The following ITPR3 variants were observed in gnomAD, a reference collection of about 807,000 sequenced individuals.
ITPR3 encodes the protein inositol 1,4,5-trisphosphate receptor type 3.
Under a neutral mutation model 293.2 loss-of-function variants are expected in ITPR3, and 173 were observed. That is an observed-to-expected ratio of 0.59 (90% CI 0.52 to 0.67). ITPR3 has a LOEUF of 0.67. Among genes scored for constraint, ITPR3 ranks in the 30% least tolerant of loss-of-function variants. The pLI is 0.00. For synonymous variants in ITPR3, 1,295 were observed against 1,444.4 expected (o/e 0.90, Z 2.35); for missense variants, 2,796 against 3,592.1 (o/e 0.78, Z 5.66).
At position 33,655,894 on chromosome 6, in the gene ITPR3, G is replaced by A. The variant is rs747081724; in HGVS notation, c.282+7G>A. ...GTTGCTGCAGAAGCTGCAGGTATGT[G>A]TGTGTGTGCAGGCGTGCATCTGTGC... On this transcript the variant is annotated splice_region_variant and intron_variant, in intron 3 of 57. Transcript: ENST00000605930. The surrounding 1 kb of genome is among the most constrained non-coding windows in gnomAD (Gnocchi z 4.9). 1 of 1,613,922 alleles carries A rather than the reference G, an allele frequency of 6.2e-7. No individual in the cohort carries two copies. Among genetic ancestry groups the A allele is most frequent in the South Asian group, 1.1e-5 (1 of 91,078 alleles).
At chr6:33,626,996 T>C (rs9968887) in intron 1 of ITPR3, among the ~76,000 whole-genome samples, 5,259 of 152,168 alleles carry the variant, frequency 0.035, 249 homozygotes, top group African/African-American at 0.11. Context: ...TTAGTAGAGA[T>C]GGGGTTTCTC....
At chr6:33,688,904 C>A in intron 49 of ITPR3, 123 bp downstream of exon 49, 2 of 1,299,148 alleles carry the variant, frequency 1.5e-6, no homozygotes, top group Non-Finnish European at 2.2e-6. Flanking sequence ...GCAGAAGCAC[C>A]CCCTGCGCCA....
Position 33,632,416 on chromosome 6 carries a change from T to C in ITPR3, c.90-8068T>C, listed in dbSNP as rs762594267. On this transcript the variant is annotated intron_variant, in intron 1 of 57. Transcript: ENST00000605930. The surrounding 1 kb of genome is among the most constrained non-coding windows in gnomAD (Gnocchi z 4.1). ...CCCTTCCTCCTCCTTATCTAATCTT[T>C]CCAGACAGCACTGACCCACCCTGCT... Among the ~76,000 whole-genome samples, 3 of 152,120 alleles carry C rather than the reference T, an allele frequency of 2.0e-5. No individual in the cohort carries two copies. The highest frequency in any genetic ancestry group is 2.9e-5 in the Non-Finnish European group (2 of 68,008).
At chr6:33,681,373 C>A (rs921865665) in intron 33 of ITPR3, among the ~76,000 whole-genome samples, 2 of 152,196 alleles carry the variant, frequency 1.3e-5, no homozygotes, top group African/African-American at 4.8e-5. Flanking sequence ...TGGCAGGATC[C>A]TTCGTGCTGG....
intron 7 of ITPR3, among the ~76,000 whole-genome samples, chr6:33,660,135 G>A (rs576625831): frequency 1.3e-5 from 2 of 152,208 alleles, no homozygotes; most frequent in Non-Finnish European, 2.9e-5. Context: ...CTGAACAGCA[G>A]ATGTGGGCGA....
rs375518845 is a variant in ITPR3, at chr6:33,679,944, G to A, written c.4035G>A (p.Leu1345=). The stretch of plus-strand genomic sequence containing the variant: ...ATGATAAGGCATCGCTGGCCCACCT[G>A]CTGGACATGATGAAGGCCGCCCGCG... ...FYNDKASLAH[L]LDMMKAARDG... Residue 1345 remains leucine, a synonymous_variant, in exon 31 of 58, where the codon CTG becomes CTA. Transcript: ENST00000605930. This position sits in a 1 kb window ranked among gnomAD's most constrained non-coding sequence, Gnocchi z 4.2. 51 of 1,613,766 alleles carry A rather than the reference G, an allele frequency of 3.2e-5. 1 individual carries two copies. In the East Asian group the frequency reaches 1.1e-3, roughly 34 times the overall value.
rs1208742498 is a variant in ITPR3, at chr6:33,664,935, T to C, written c.1214T>C (p.Ile405Thr). The stretch of plus-strand genomic sequence containing the variant: ...TGGATTCAGAGCACCAATGTGCCCA[T>C]TGACATCGAGGAGGAGCGGCCCATC... Reference protein sequence around the residue: ...NTWIQSTNVPIDIEEERPIRL... With the variant: ...NTWIQSTNVPTDIEEERPIRL... The change falls in exon 12 of 58, where the codon ATT (isoleucine) becomes ACT (threonine). Residue 405 changes from isoleucine to threonine, a missense_variant. Transcript: ENST00000605930. This position sits in a 1 kb window ranked among gnomAD's most constrained non-coding sequence, Gnocchi z 4.4. 11 of 1,613,972 alleles carry C rather than the reference T, an allele frequency of 6.8e-6. No individual in the cohort carries two copies. The highest frequency in any genetic ancestry group is 1.1e-5 in the South Asian group (1 of 91,068).
rs566710188 is a variant in ITPR3 at position 33,672,040 on chromosome 6, C to T, written c.2740C>T (p.Arg914Trp). ...AYEDPGGKNVRRSIQGVGHMM... is the reference protein window; with the variant it reads ...AYEDPGGKNVWRSIQGVGHMM... ...TTCCCCCTCCACAGGCAAGAATGTGCGGCGGTCCATCCAGGGCGTGGGGCA... is the reference window on the plus strand; with the variant it reads ...TTCCCCCTCCACAGGCAAGAATGTGTGGCGGTCCATCCAGGGCGTGGGGCA... Residue 914 changes from arginine (R) to tryptophan (W), a missense_variant, in exon 22 of 58, where the codon CGG becomes TGG. Physicochemically the swap from Arg to Trp is moderately radical, Grantham distance 101 (BLOSUM62 -3). Coordinates refer to ENST00000605930, the MANE Select transcript of ITPR3 (RefSeq NM_002224.4). The surrounding 1 kb of genome is among the most constrained non-coding windows in gnomAD (Gnocchi z 5.0). The T allele has an allele frequency of 8.1e-6, 13 of 1,602,830 alleles. No homozygotes were observed. Among genetic ancestry groups the T allele is most frequent in the African/African-American group, 1.3e-5 (1 of 74,724 alleles).
intron 9 of ITPR3, 112 bp downstream of exon 9, chr6:33,663,118 A>G: frequency 1.3e-6 from 1 of 793,006 alleles, no homozygotes; most frequent in South Asian, 1.6e-5. Flanking sequence ...ATGGACCCTG[A>G]CTTCTCTGCA....
At chr6:33,625,754 T>C (rs975666671) in intron 1 of ITPR3, among the ~76,000 whole-genome samples, 1 of 152,126 alleles carries the variant, frequency 6.6e-6, no homozygotes, top group African/African-American at 2.4e-5. Flanking sequence ...CTCTTACCCA[T>C]GGGATTCTCT....
Position 33,672,336 on chromosome 6 carries a change from A to G in ITPR3, c.2928+108A>G. 1.1e-6 allele frequency: 1 copy of G among 949,974 alleles called. No individual in the cohort carries two copies. Among genetic ancestry groups the G allele is most frequent in the Non-Finnish European group, 1.6e-6 (1 of 635,750 alleles). The allele number at this position is 949,974 out of a possible 1,614,324, so 58.8% of individuals were successfully genotyped here. ...ACCCCTTCAGATCTCAGTATTTAGT[A>G]CTGGAAGTCTCCATCGTGACTGGCT... On this transcript the variant is annotated intron_variant, in intron 22 of 57. Coordinates refer to ENST00000605930, the MANE Select transcript of ITPR3 (RefSeq NM_002224.4). This position sits in a 1 kb window ranked among gnomAD's most constrained non-coding sequence, Gnocchi z 5.0.
In ITPR3 at chr6:33,666,019, C is replaced by A; in HGVS notation, c.1551+43C>A. On this transcript the variant is annotated intron_variant, in intron 14 of 57. Transcript: ENST00000605930. This position sits in a 1 kb window ranked among gnomAD's most constrained non-coding sequence, Gnocchi z 5.1. Reference sequence around the variant, plus strand: ...AGGGGACGCAGAGGGGCCGGGTGCCCGGGAGAGGGATGCCTTCAACTGCAG... The same window carrying A: ...AGGGGACGCAGAGGGGCCGGGTGCCAGGGAGAGGGATGCCTTCAACTGCAG... 1.3e-6 allele frequency: 2 copies of A among 1,547,296 alleles called. No homozygotes were observed. The highest frequency in any genetic ancestry group is 1.4e-5 in the African/African-American group (1 of 73,182).
chr6:33,678,592 T>TGGGGGGGTTGGGGGGGG, intron 29 of ITPR3, 47 bp from the exon 30 acceptor site: 1 of 896,280 alleles, frequency 1.1e-6, no homozygotes. Flanking sequence ...GGATGGGGGG[T>TGGGGGGGTTGGGGGGGG]GGGGGCGGGG....
intron 6 of ITPR3, 48 bp downstream of exon 6, chr6:33,659,167 C>A (rs1019039065): frequency 1.3e-6 from 2 of 1,538,252 alleles, no homozygotes; most frequent in South Asian, 1.1e-5. Flanking sequence ...GTCCACACAC[C>A]CCTGGTGGTG....
rs1287963328 is a variant in ITPR3, at chr6:33,678,749, G to A, written c.3882G>A (p.Gly1294=). ...QHFVHLLATH[G]RHVQYLDFLH... is the part of the protein sequence containing the mutation. The stretch of plus-strand genomic sequence containing the variant: ...TCGTGCACCTGCTGGCCACGCACGG[G>A]CGCCATGTGCAGTACCTGGACTTCC... The change falls in exon 30 of 58, where the codon GGG becomes GGA. Residue 1294 remains glycine, a synonymous_variant. Transcript: ENST00000605930. 1.8e-5 allele frequency: 29 copies of A among 1,613,470 alleles called. No individual in the cohort carries two copies. Among genetic ancestry groups the A allele is most frequent in the Non-Finnish European group, 2.5e-5 (29 of 1,179,910 alleles).
chr6:33,682,459 C>A lies in ITPR3; in HGVS notation c.4477-65C>A. On this transcript the variant is annotated intron_variant, in intron 33 of 57. Transcript: ENST00000605930. The surrounding 1 kb of genome is among the most constrained non-coding windows in gnomAD (Gnocchi z 5.4). ...GCCCATTCTGATTGGGCCCTGGTTC[C>A]TGGACCTGGGGTTGCCCAGGGTGGG... 9 of 1,460,268 alleles carry A rather than the reference C, an allele frequency of 6.2e-6. No individual in the cohort carries two copies. The highest frequency in any genetic ancestry group is 8.1e-6 in the Non-Finnish European group (9 of 1,107,604). 90.5% of individuals were successfully genotyped at this position (1,460,268 alleles called of 1,614,324 possible). A position where few individuals can be genotyped will look rare whatever the true frequency, so the allele number is the denominator to read the frequency against.
At position 33,670,152 on chromosome 6, in the gene ITPR3, C is replaced by T. The variant is rs1764717069; in HGVS notation, c.2190-173C>T. ...GCCAGGAGGGGGAGAATTGCAAGTA[C>T]TGGTTATCACAGACAGGTTTTCCGT... On this transcript the variant is annotated intron_variant, in intron 18 of 57. Coordinates refer to ENST00000605930, the MANE Select transcript of ITPR3 (RefSeq NM_002224.4). This position sits in a 1 kb window ranked among gnomAD's most constrained non-coding sequence, Gnocchi z 6.7. 6.6e-6 allele frequency among the ~76,000 whole-genome samples: 1 copy of T among 152,228 alleles called. No individual in the cohort carries two copies. Among genetic ancestry groups the T allele is most frequent in the South Asian group, 2.1e-4 (1 of 4,836 alleles).
In ITPR3 at chr6:33,677,064, G is replaced by C; in HGVS notation, c.3497G>C (p.Ser1166Thr). 7 of 1,614,196 alleles carry C rather than the reference G, an allele frequency of 4.3e-6. No individual in the cohort carries two copies. The highest frequency in any genetic ancestry group is 5.9e-6 in the Non-Finnish European group (7 of 1,180,034). ...CTGCACCCACCAGGGGAGAAAAGCA[G>C]TGAGAACTACCAGATCGTCAAGGGC... is the stretch of plus-strand genomic sequence containing the variant. ...GFLHPPGEKS[S>T]ENYQIVKGIL... Residue 1166 changes from serine to threonine, a missense_variant, in exon 27 of 58, where the codon AGT (serine) becomes ACT (threonine). By Grantham distance (58) the Ser-to-Thr change is moderately conservative. Around this residue, in one of 8 missense-constraint regions of ITPR3, gnomAD observed 344 missense variants for 460.3 expected, o/e 0.75. Coordinates refer to ENST00000605930, the MANE Select transcript of ITPR3 (RefSeq NM_002224.4).
At chr6:33,671,767 A>T (rs1159804598) in intron 21 of ITPR3, among the ~76,000 whole-genome samples, 1 of 152,042 alleles carries the variant, frequency 6.6e-6, no homozygotes, top group Non-Finnish European at 1.5e-5. Context: ...AGCTGCTCTC[A>T]TGGTTTCCTA....
Sources: allele counts gnomAD v4.1 joint callset (sites outside exome capture counted in the v4.1 genomes callset), GRCh38; gene constraint gnomAD v4.1.1; regional missense constraint gnomAD v4.1.1; non-coding constraint Gnocchi (gnomAD v3.1); transcripts MANE v1.5; gene names NCBI Gene and HGNC (gene_info 2026-07-23, HGNC 2026-07-21).